Variants in UBTD1 observed in about 807,000 individuals in gnomAD.
UBTD1 encodes the protein ubiquitin domain-containing protein 1.
A neutral mutation model predicts 21.7 loss-of-function variants in UBTD1; 19 were observed. That is an observed-to-expected ratio of 0.87 (90% CI 0.61 to 1.28). UBTD1 has a LOEUF of 1.28. Among genes scored for constraint, UBTD1 ranks in the 50% most tolerant of loss-of-function variants. The pLI, the probability that UBTD1 is intolerant of heterozygous loss-of-function variation, is 0.00. For synonymous variants in UBTD1, 116 were observed against 135.1 expected, an observed-to-expected ratio of 0.86 and a Z score of 0.98; for missense variants, 282 against 315.1, an observed-to-expected ratio of 0.89 and a Z score of 0.80.
At chr10:97,530,200 TTGAA>T (rs113236509) in intron 1 of UBTD1, among the ~76,000 whole-genome samples, 97 of 151,362 alleles carry the variant, frequency 6.4e-4, no homozygotes, top group Middle Eastern at 6.8e-3. Flanking sequence ...TACATGTTTC[TTGAA>T]TGAATGAATG....
intron 1 of UBTD1, among the ~76,000 whole-genome samples, chr10:97,525,727 A>G (rs534739872): frequency 2.0e-5 from 3 of 152,330 alleles, no homozygotes; most frequent in Admixed American, 1.3e-4. Context: ...AATACCTGAC[A>G]TACTCTAGAT....
intron 2 of UBTD1, among the ~76,000 whole-genome samples, chr10:97,569,548 G>A (rs1172181788): frequency 6.6e-6 from 1 of 152,240 alleles, no homozygotes; most frequent in Non-Finnish European, 1.5e-5. Context: ...CTGACTGTGG[G>A]GTGGCCATGG....
chr10:97,536,489 T>C (rs2040562518), intron 1 of UBTD1, among the ~76,000 whole-genome samples: 1 of 152,206 alleles, frequency 6.6e-6, no homozygotes, highest in Non-Finnish European at 1.5e-5. Flanking sequence ...GATTTTAAAA[T>C]GACCCCTGCC....
intron 1 of UBTD1, among the ~76,000 whole-genome samples, chr10:97,555,604 T>A (rs2135683087): frequency 6.6e-6 from 1 of 152,282 alleles, no homozygotes; most frequent in East Asian, 1.9e-4. Flanking sequence ...TTTTAAGGGC[T>A]CACAACACTA....
Position 97,570,492 on chromosome 10 carries a change from T to C in UBTD1, c.653T>C (p.Ile218Thr), listed in dbSNP as rs2040741684. ...KIQKDFVIQV[I>T]INQPPPPQD ...CAGAAAGATTTTGTCATCCAGGTCATCATCAACCAGCCCCCACCACCCCAG... is the reference window on the plus strand; with the variant it reads ...CAGAAAGATTTTGTCATCCAGGTCACCATCAACCAGCCCCCACCACCCCAG... The change falls in exon 3 of 3, where the codon ATC (isoleucine) becomes ACC (threonine). Residue 218 changes from isoleucine (I) to threonine (T), a missense_variant. Transcript: ENST00000370664. The surrounding 1 kb of genome is among the most constrained non-coding windows in gnomAD (Gnocchi z 6.6). 1 of 1,609,612 alleles carries C rather than the reference T, an allele frequency of 6.2e-7. No individual in the cohort carries two copies. Among genetic ancestry groups the C allele is most frequent in the African/African-American group, 1.3e-5 (1 of 74,826 alleles).
intron 1 of UBTD1, among the ~76,000 whole-genome samples, chr10:97,548,033 C>G (rs2040619392): frequency 6.6e-6 from 1 of 152,198 alleles, no homozygotes; most frequent in African/African-American, 2.4e-5. Flanking sequence ...ACAGCAGTCC[C>G]ATGAGGTGGG....
intron 1 of UBTD1, among the ~76,000 whole-genome samples, chr10:97,502,887 GTA>G (rs148317640): frequency 6.9e-6 from 1 of 144,270 alleles, no homozygotes; most frequent in Non-Finnish European, 1.5e-5. Context: ...ATATATATAC[GTA>G]TATATATGTG....
Position 97,570,540 on chromosome 10 carries a change from T to C in UBTD1, c.*17T>C, listed in dbSNP as rs1343357020. 1.1e-5 allele frequency: 18 copies of C among 1,576,504 alleles called. No homozygotes were observed. Among genetic ancestry groups the C allele is most frequent in the Non-Finnish European group, 1.5e-5 (17 of 1,155,054 alleles). ...CAGGACTGATGGGCCCACGGACCCC[T>C]GGGAAGAGGCCCCGCCTGGAGCACT... On this transcript the variant is annotated 3_prime_UTR_variant, in exon 3 of 3. Transcript: ENST00000370664. This position sits in a 1 kb window ranked among gnomAD's most constrained non-coding sequence, Gnocchi z 6.6.
At chr10:97,556,611 A>G (rs1259333053) in intron 1 of UBTD1, among the ~76,000 whole-genome samples, 1 of 152,180 alleles carries the variant, frequency 6.6e-6, no homozygotes, top group Non-Finnish European at 1.5e-5. Context: ...CATCTTTCCA[A>G]TCACCTATGG....
At chr10:97,532,558 G>A (rs1374580353) in intron 1 of UBTD1, among the ~76,000 whole-genome samples, 3 of 152,150 alleles carry the variant, frequency 2.0e-5, no homozygotes, top group Non-Finnish European at 2.9e-5. Context: ...TTGGGAGGCC[G>A]AGGCGGGCGG....
intron 1 of UBTD1, among the ~76,000 whole-genome samples, chr10:97,518,873 A>G (rs1288608107): frequency 6.6e-6 from 1 of 152,248 alleles, no homozygotes; most frequent in African/African-American, 2.4e-5. Context: ...ATGTAGTACC[A>G]AACCTTTTCC....
At chr10:97,528,314 C>CT (rs1163944559) in intron 1 of UBTD1, among the ~76,000 whole-genome samples, 1 of 139,936 alleles carries the variant, frequency 7.1e-6, no homozygotes, top group African/African-American at 2.7e-5. Context: ...GACCCCCAAC[C>CT]TCCCTCCCGG....
intron 1 of UBTD1, among the ~76,000 whole-genome samples, chr10:97,560,089 A>T (rs2040685301): frequency 6.6e-6 from 1 of 152,052 alleles, no homozygotes; most frequent in South Asian, 2.1e-4. Context: ...TTTCACCAGC[A>T]ATTCTTTAAC....
intron 1 of UBTD1, among the ~76,000 whole-genome samples, chr10:97,504,478 G>A (rs2040390441): frequency 6.6e-6 from 1 of 152,056 alleles, no homozygotes; most frequent in African/African-American, 2.4e-5. Context: ...CCTTGTCCCA[G>A]TCTCCTATTT....
chr10:97,558,133 G>A (rs1469480384), intron 1 of UBTD1, among the ~76,000 whole-genome samples: 8 of 151,886 alleles, frequency 5.3e-5, no homozygotes, highest in Non-Finnish European at 1.0e-4. Context: ...TCCCATCCAC[G>A]TACAGCTCCC....
intron 1 of UBTD1, among the ~76,000 whole-genome samples, chr10:97,509,356 A>G (rs983930654): frequency 2.0e-5 from 3 of 152,220 alleles, no homozygotes; most frequent in Non-Finnish European, 4.4e-5. Flanking sequence ...GTAAGCATAC[A>G]TCATTTAGAG....
chr10:97,566,081 C>T (rs1247745956), intron 1 of UBTD1, among the ~76,000 whole-genome samples: 1 of 152,004 alleles, frequency 6.6e-6, no homozygotes, highest in Non-Finnish European at 1.5e-5. Flanking sequence ...CTACTATGTA[C>T]CCACAAAAAT....
At chr10:97,557,341 G>T (rs1167196328) in intron 1 of UBTD1, among the ~76,000 whole-genome samples, 1 of 151,704 alleles carries the variant, frequency 6.6e-6, no homozygotes, top group Non-Finnish European at 1.5e-5. Flanking sequence ...AATGCCTAAT[G>T]TTGCATGTTT....
intron 1 of UBTD1, among the ~76,000 whole-genome samples, chr10:97,511,291 T>C (rs1464650350): frequency 6.6e-6 from 1 of 152,136 alleles, no homozygotes; most frequent in Non-Finnish European, 1.5e-5. Context: ...GATTCTCCTT[T>C]AGGGGAGAGG....
Sources: gnomAD v4.1 joint callset for allele counts (sites outside exome capture counted in the v4.1 genomes callset) on GRCh38, gnomAD v4.1.1 for gene constraint, Gnocchi (gnomAD v3.1) non-coding constraint, MANE v1.5 for transcripts, NCBI Gene and HGNC (gene_info 2026-07-23, HGNC 2026-07-21) for gene names.